Variants in FAF1 observed in about 807,000 individuals in gnomAD.
The protein encoded by FAF1 is Fas associated factor 1.
FAF1 carries 25 observed loss-of-function variants against 92.5 expected under a neutral mutation model. The ratio of observed to expected loss-of-function variants is 0.27; its 90% CI spans 0.20 to 0.38. FAF1 has a LOEUF of 0.38. Among genes scored for constraint, FAF1 ranks in the 10% least tolerant of loss-of-function variants. The pLI is 1.00. For missense variants in FAF1, 636 were observed against 793.3 expected (o/e 0.80, Z 2.38); for synonymous variants, 234 against 273.2 (o/e 0.86, Z 1.42).
In FAF1 at chr1:50,893,964, T is replaced by C. The variant is rs1375857750; in HGVS notation, c.46-35967A>G. Among the ~76,000 whole-genome samples the C allele has an allele frequency of 2.6e-5, 4 of 152,144 alleles. No individual in the cohort carries two copies. In the East Asian group the frequency reaches 7.8e-4, roughly 30 times the overall value. On this transcript the variant is annotated intron_variant, in intron 1 of 18. Transcript: ENST00000396153. ...CCATAGGAAGAGGAGCCTCACCCTG[T>C]GGTAACCACCACCACAGACCCATAG...
intron 15 of FAF1, among the ~76,000 whole-genome samples, chr1:50,522,253 A>C (rs748417934): frequency 1.7e-4 from 26 of 152,134 alleles, no homozygotes; most frequent in Non-Finnish European, 3.2e-4. Context: ...CTTTAATATA[A>C]TTGTACCTCA....
At chr1:50,564,662 T>C (rs1393784565) in intron 13 of FAF1, among the ~76,000 whole-genome samples, 2 of 152,110 alleles carry the variant, frequency 1.3e-5, no homozygotes, top group Non-Finnish European at 2.9e-5. Context: ...TCTGGATAAA[T>C]GTGGTGTAAA....
rs1234576045 is a variant in FAF1 at position 50,915,278 on chromosome 1, G to A, written c.45+44489C>T. Among the ~76,000 whole-genome samples the A allele has an allele frequency of 4.0e-5, 6 of 151,402 alleles. No homozygotes were observed. In the East Asian group the frequency reaches 5.8e-4, roughly 15 times the overall value. The stretch of plus-strand genomic sequence containing the variant: ...CCGGCTACTTGGGAGGCTGAGGCAC[G>A]AGAATCGCTTGAACCTGGGAGGCGG... On this transcript the variant is annotated intron_variant, in intron 1 of 18. Transcript: ENST00000396153.
chr1:50,948,075 T>C (rs952175421), intron 1 of FAF1, among the ~76,000 whole-genome samples: 1 of 152,024 alleles, frequency 6.6e-6, no homozygotes, highest in African/African-American at 2.4e-5. Flanking sequence ...ATGTACAAAA[T>C]AGAAAAGAAA....
At chr1:50,732,434 T>C (rs1019986506) in intron 6 of FAF1, among the ~76,000 whole-genome samples, 1 of 152,196 alleles carries the variant, frequency 6.6e-6, no homozygotes, top group Non-Finnish European at 1.5e-5. Flanking sequence ...TATATCTTCT[T>C]GTAATTCTGT....
intron 6 of FAF1, among the ~76,000 whole-genome samples, chr1:50,721,139 C>G (rs2124454043): frequency 6.6e-6 from 1 of 152,008 alleles, no homozygotes; most frequent in Non-Finnish European, 1.5e-5. Flanking sequence ...ATGAAAATAA[C>G]AAAAAGTTGT....
chr1:50,881,522 CA>C (rs1483613427), intron 1 of FAF1, among the ~76,000 whole-genome samples: 5 of 152,110 alleles, frequency 3.3e-5, no homozygotes, highest in Non-Finnish European at 5.9e-5. Context: ...CTCACACTAC[CA>C]AAAGAAGGAA....
intron 2 of FAF1, among the ~76,000 whole-genome samples, chr1:50,848,161 T>A (rs1644317909): frequency 6.6e-6 from 1 of 151,398 alleles, no homozygotes; most frequent in African/African-American, 2.4e-5. Context: ...AAAAAAACAA[T>A]GGAAATAAAA....
intron 8 of FAF1, among the ~76,000 whole-genome samples, chr1:50,623,919 C>A (rs1653332251): frequency 6.7e-6 from 1 of 149,900 alleles, no homozygotes; most frequent in Non-Finnish European, 1.5e-5. Context: ...GCTTGGGTGA[C>A]AGAGCGAGAC....
Position 50,959,876 on chromosome 1 carries a change from T to A in FAF1, c.-65A>T. 8.4e-7 allele frequency: 1 copy of A among 1,196,442 alleles called. No individual in the cohort carries two copies. Among genetic ancestry groups the A allele is most frequent in the Non-Finnish European group, 1.1e-6 (1 of 918,998 alleles). The allele number at this position is 1,196,442 out of a possible 1,614,324, so 74.1% of individuals were successfully genotyped here. A position where few individuals can be genotyped will look rare whatever the true frequency, so the allele number is the denominator to read the frequency against. ...CACCTGGGAGGCAGACGGCACCTCCTGCGACCGTCGCCGCCACCGCCGCCG... is the reference window on the plus strand; with the variant it reads ...CACCTGGGAGGCAGACGGCACCTCCAGCGACCGTCGCCGCCACCGCCGCCG... On this transcript the variant is annotated 5_prime_UTR_variant, in exon 1 of 19. Coordinates refer to ENST00000396153, the MANE Select transcript of FAF1 (RefSeq NM_007051.3).
chr1:50,659,408 G>A (rs562249595), intron 7 of FAF1, among the ~76,000 whole-genome samples: 101 of 152,308 alleles, frequency 6.6e-4, no homozygotes, highest in African/African-American at 2.4e-3. Context: ...TTTGGGACTT[G>A]AGAGCACTTT....
chr1:50,588,149 C>T (rs1201114797), intron 9 of FAF1, among the ~76,000 whole-genome samples: 1 of 151,920 alleles, frequency 6.6e-6, no homozygotes, highest in East Asian at 1.9e-4. Context: ...TAGCCTGGTG[C>T]GGTGGCAGAC....
rs149117642 is a variant in FAF1, at chr1:50,744,703, G to A, written c.440C>T (p.Thr147Met). 29 of 1,606,984 alleles carry A rather than the reference G, an allele frequency of 1.8e-5. No individual in the cohort carries two copies. The African/African-American group carries it at 1.9e-4, about 10-fold the overall frequency. The change falls in exon 5 of 19, where the codon ACG (threonine) becomes ATG (methionine). Residue 147 changes from threonine to methionine, a missense_variant. Around this residue, in one of 2 missense-constraint regions of FAF1, gnomAD observed 317 missense variants for 342.4 expected, o/e 0.93. Coordinates refer to ENST00000396153, the MANE Select transcript of FAF1 (RefSeq NM_007051.3). ...ACTCACACTGTCTTCCACATCTCCC[G>A]TCTTCCAGCCTTTTAACAGCATTTT... Reference protein sequence around the residue: ...VSKMLLKGWKTGDVEDSTVLK... With the variant: ...VSKMLLKGWKMGDVEDSTVLK...
intron 18 of FAF1, among the ~76,000 whole-genome samples, chr1:50,466,601 A>G (rs1646499193): frequency 6.6e-6 from 1 of 152,240 alleles, no homozygotes; most frequent in Non-Finnish European, 1.5e-5. Flanking sequence ...AGCACCTGCT[A>G]TGTGCCAGGT....
At chr1:50,828,686 T>C (rs1644126796) in intron 2 of FAF1, among the ~76,000 whole-genome samples, 1 of 152,122 alleles carries the variant, frequency 6.6e-6, no homozygotes, top group Non-Finnish European at 1.5e-5. Flanking sequence ...CGACATTAAA[T>C]ATAAAAGGTA....
intron 15 of FAF1, among the ~76,000 whole-genome samples, chr1:50,494,428 A>G (rs1646875487): frequency 2.0e-5 from 3 of 152,226 alleles, no homozygotes; most frequent in Non-Finnish European, 4.4e-5. Flanking sequence ...AAGAGGACAC[A>G]TCAAAGTAAC....
intron 6 of FAF1, among the ~76,000 whole-genome samples, chr1:50,732,550 T>G (rs2124475810): frequency 6.6e-6 from 1 of 152,334 alleles, no homozygotes; most frequent in Non-Finnish European, 1.5e-5. Context: ...GATATAAATA[T>G]TATTACTATA....
At chr1:50,572,174 A>G (rs888955702) in intron 12 of FAF1, among the ~76,000 whole-genome samples, 10 of 152,216 alleles carry the variant, frequency 6.6e-5, no homozygotes, top group Non-Finnish European at 1.3e-4. Flanking sequence ...GGATACAATG[A>G]TACAATAAAC....
chr1:50,560,303 G>A (rs1021326578), intron 13 of FAF1, among the ~76,000 whole-genome samples: 4 of 152,164 alleles, frequency 2.6e-5, no homozygotes, highest in Non-Finnish European at 5.9e-5. Context: ...TAAGTAATGT[G>A]GAAAACTATC....
Sources: allele counts gnomAD v4.1 joint callset (sites outside exome capture counted in the v4.1 genomes callset), GRCh38; gene constraint gnomAD v4.1.1; regional missense constraint gnomAD v4.1.1; transcripts MANE v1.5; gene names NCBI Gene and HGNC (gene_info 2026-07-23, HGNC 2026-07-21).